NINL: variants seen among roughly 807,000 people sequenced by gnomAD.
NINL encodes the protein ninein-like protein.
Under a neutral mutation model 160.3 loss-of-function variants are expected in NINL, and 153 were observed. The observed-to-expected ratio is 0.95, with a 90% CI of 0.84 to 1.09. The LOEUF is 1.09. Among genes scored for constraint, NINL ranks in the 50% least tolerant of loss-of-function variants. NINL has a pLI of 0.00. For synonymous variants in NINL, 800 were observed against 734.8 expected (o/e 1.09, Z -1.43); for missense variants, 1,829 against 1,764.0 (o/e 1.04, Z -0.66).
At chr20:25,574,484 C>T (rs1007826762) in intron 1 of NINL, among the ~76,000 whole-genome samples, 7 of 152,116 alleles carry the variant, frequency 4.6e-5, no homozygotes, top group Non-Finnish European at 8.8e-5. Flanking sequence ...TCAGAACACA[C>T]GAAGTAAAGA....
At chr20:25,468,275 C>A (rs1412421500) in intron 18 of NINL, among the ~76,000 whole-genome samples, 1 of 151,718 alleles carries the variant, frequency 6.6e-6, no homozygotes, top group Admixed American at 6.6e-5. Context: ...CTGACAGGCA[C>A]CCCCCTGCTC....
At chr20:25,467,599 C>A in intron 18 of NINL, 141 bp from the exon 19 acceptor site, 1 of 690,270 alleles carries the variant, frequency 1.4e-6, no homozygotes, top group South Asian at 1.6e-5. Flanking sequence ...CATTCTCCAG[C>A]CCCTCTCAGT....
intron 17 of NINL, among the ~76,000 whole-genome samples, chr20:25,475,012 A>G (rs936302125): frequency 6.6e-6 from 1 of 151,926 alleles, no homozygotes; most frequent in African/African-American, 2.4e-5. Context: ...TGAACTCCTG[A>G]CCTCAGGTGA....
chr20:25,453,730 C>G, intron 23 of NINL, 88 bp from the exon 24 acceptor site: 19 of 1,261,208 alleles, frequency 1.5e-5, no homozygotes, highest in Non-Finnish European at 2.1e-5. Context: ...CCCAGGTTTA[C>G]GCAAACCACA....
chr20:25,543,473 A>C (rs2064694397), intron 1 of NINL, among the ~76,000 whole-genome samples: 2 of 152,158 alleles, frequency 1.3e-5, no homozygotes, highest in South Asian at 4.1e-4. Flanking sequence ...GAGGCAGGAG[A>C]ATAGGCTCTG....
At chr20:25,488,598 C>T (rs919771039) in intron 13 of NINL, among the ~76,000 whole-genome samples, 5 of 151,872 alleles carry the variant, frequency 3.3e-5, no homozygotes, top group Non-Finnish European at 5.9e-5. Context: ...GATGGACTGA[C>T]GCAGCAGCAG....
At chr20:25,573,200 G>A (rs1343757099) in intron 1 of NINL, among the ~76,000 whole-genome samples, 3 of 151,830 alleles carry the variant, frequency 2.0e-5, no homozygotes. Context: ...GGGAGGCTGA[G>A]GCAGGAGAAT....
At chr20:25,534,200 A>G (rs773070980) in intron 1 of NINL, among the ~76,000 whole-genome samples, 1 of 152,080 alleles carries the variant, frequency 6.6e-6, no homozygotes, top group Non-Finnish European at 1.5e-5. Flanking sequence ...CATAAACACT[A>G]TTCTATAAAA....
intron 3 of NINL, 132 bp downstream of exon 3, chr20:25,517,621 A>G: frequency 1.5e-6 from 1 of 670,836 alleles, no homozygotes; most frequent in Non-Finnish European, 2.5e-6. Flanking sequence ...TTCCAAGTCC[A>G]TATACCTTGG....
chr20:25,515,996 G>A (rs191956472), intron 3 of NINL, among the ~76,000 whole-genome samples: 2 of 152,022 alleles, frequency 1.3e-5, no homozygotes, highest in Admixed American at 6.6e-5. Flanking sequence ...GGATGGTCTC[G>A]ATCTCCTGAC....
At chr20:25,527,509 CTGTT>C (rs2064381082) in intron 1 of NINL, among the ~76,000 whole-genome samples, 1 of 151,312 alleles carries the variant, frequency 6.6e-6, no homozygotes, top group Non-Finnish European at 1.5e-5. Flanking sequence ...ACAAGGGTTT[CTGTT>C]TTTTTTTCAA....
At chr20:25,472,454 G>A (rs1419690654) in intron 17 of NINL, among the ~76,000 whole-genome samples, 1 of 148,744 alleles carries the variant, frequency 6.7e-6, no homozygotes, top group Non-Finnish European at 1.5e-5. Flanking sequence ...GCAACCTCCG[G>A]AGAGGCAATA....
At chr20:25,470,913 A>G (rs2063078697) in intron 17 of NINL, among the ~76,000 whole-genome samples, 1 of 152,222 alleles carries the variant, frequency 6.6e-6, no homozygotes, top group South Asian at 2.1e-4. Flanking sequence ...CTGACTGGTA[A>G]GGCTAACGTG....
chr20:25,484,782 C>G (rs1171022051), intron 13 of NINL, among the ~76,000 whole-genome samples: 1 of 152,270 alleles, frequency 6.6e-6, no homozygotes, highest in Middle Eastern at 3.4e-3. Context: ...GCAAGAATCA[C>G]CAGTGATGCT....
At chr20:25,470,937 G>C (rs2063079693) in intron 17 of NINL, among the ~76,000 whole-genome samples, 1 of 152,156 alleles carries the variant, frequency 6.6e-6, no homozygotes, top group African/African-American at 2.4e-5. Flanking sequence ...TCCCCAAATA[G>C]GTCTCCATAT....
chr20:25,506,185 C>T (rs1270755918), intron 5 of NINL, among the ~76,000 whole-genome samples: 1 of 152,148 alleles, frequency 6.6e-6, no homozygotes, highest in Non-Finnish European at 1.5e-5. Flanking sequence ...TGCATGGACC[C>T]AAGAGGCGGA....
intron 1 of NINL, among the ~76,000 whole-genome samples, chr20:25,527,850 C>T (rs1448010239): frequency 6.6e-6 from 1 of 151,962 alleles, no homozygotes; most frequent in Non-Finnish European, 1.5e-5. Flanking sequence ...CTAGTATCTA[C>T]TTACATGAAA....
chr20:25,563,595 A>C (rs1277061577), intron 1 of NINL, among the ~76,000 whole-genome samples: 1 of 152,238 alleles, frequency 6.6e-6, no homozygotes, highest in African/African-American at 2.4e-5. Context: ...ATTAAAGAGA[A>C]GGACTATCAG....
chr20:25,460,592 AG>A (rs2062758510), intron 21 of NINL, among the ~76,000 whole-genome samples: 1 of 152,166 alleles, frequency 6.6e-6, no homozygotes, highest in Non-Finnish European at 1.5e-5. Flanking sequence ...AAAGTAGAGA[AG>A]GGTGCCTCAA....
Sources: allele counts gnomAD v4.1 joint callset (sites outside exome capture counted in the v4.1 genomes callset), GRCh38; gene constraint gnomAD v4.1.1; transcripts MANE v1.5; gene names NCBI Gene and HGNC (gene_info 2026-07-23, HGNC 2026-07-21).